The following ATP8B1 variants were observed in gnomAD, a reference collection of about 807,000 sequenced individuals.
ATP8B1 encodes phospholipid-transporting ATPase IC.
A neutral mutation model predicts 149.9 loss-of-function variants in ATP8B1; 80 were observed. The observed-to-expected ratio is 0.53, with a 90% CI of 0.45 to 0.64. ATP8B1 has a LOEUF of 0.64. ATP8B1 is among the 30% of genes least tolerant of loss of function. The pLI is 0.00. For missense variants in ATP8B1, 1,247 were observed against 1,552.6 expected, an observed-to-expected ratio of 0.80 and a Z score of 3.31; for synonymous variants, 536 against 562.8, an observed-to-expected ratio of 0.95 and a Z score of 0.67.
intron 1 of ATP8B1, among the ~76,000 whole-genome samples, chr18:57,752,459 G>A (rs986967418): frequency 2.0e-5 from 3 of 152,044 alleles, no homozygotes; most frequent in African/African-American, 7.2e-5. Context: ...TACCTTACAG[G>A]GTCCTTGTGA....
chr18:57,767,713 C>T (rs1348680018), intron 1 of ATP8B1, among the ~76,000 whole-genome samples: 3 of 151,894 alleles, frequency 2.0e-5, no homozygotes, highest in South Asian at 4.1e-4. Context: ...CGCTTGAACC[C>T]AGGAGGCAGA....
chr18:57,797,924 T>G (rs1840265701), intron 1 of ATP8B1, among the ~76,000 whole-genome samples: 1 of 152,040 alleles, frequency 6.6e-6, no homozygotes, highest in Admixed American at 6.6e-5. Context: ...CAGGCTGGTC[T>G]TGAACTCCTG....
intron 1 of ATP8B1, chr18:57,732,077 G>GTATA (rs1374203858): frequency 3.0e-6 from 1 of 335,580 alleles, no homozygotes; most frequent in African/African-American, 2.3e-5. Context: ...TTAAACAAGG[G>GTATA]TATATATATA....
Position 57,680,415 on chromosome 18 carries a change from A to G in ATP8B1, c.1630+3621T>C, listed in dbSNP as rs372282734. On this transcript the variant is annotated intron_variant, in intron 15 of 27. Coordinates refer to ENST00000648908, the MANE Select transcript of ATP8B1 (RefSeq NM_001374385.1). ...AGCCTGACCAACATGGAGAAACCCC[A>G]TCTCTATTAAAAATGCAAAATTAGC... is the stretch of plus-strand genomic sequence containing the variant. 1.1e-4 allele frequency among the ~76,000 whole-genome samples: 16 copies of G among 148,850 alleles called. 1 individual carries two copies. Among genetic ancestry groups the G allele is most frequent in the Admixed American group, 4.7e-4 (7 of 14,826 alleles).
chr18:57,711,032 C>T (rs4940996), intron 2 of ATP8B1, among the ~76,000 whole-genome samples: 18,976 of 152,184 alleles, frequency 0.12, 1,432 homozygotes, highest in South Asian at 0.28. Context: ...AATAGCAAAA[C>T]ATTGGCACAT....
intron 1 of ATP8B1, among the ~76,000 whole-genome samples, chr18:57,794,874 G>C (rs2080497957): frequency 6.6e-6 from 1 of 152,042 alleles, no homozygotes; most frequent in Non-Finnish European, 1.5e-5. Flanking sequence ...GTGAAAAGGA[G>C]AGGCACGTGC....
intron 19 of ATP8B1, chr18:57,667,960 C>T (rs776490680): frequency 1.8e-4 from 129 of 729,014 alleles, no homozygotes; most frequent in Middle Eastern, 4.2e-4. Context: ...CAAACAAGTG[C>T]TTGTTGAGTT....
intron 20 of ATP8B1, 96 bp downstream of exon 20, chr18:57,666,996 A>G: frequency 8.9e-7 from 1 of 1,124,562 alleles, no homozygotes; most frequent in Non-Finnish European, 1.3e-6. Context: ...GACACATCGT[A>G]ACCCCTATTT....
Position 57,648,116 on chromosome 18 carries a change from A to T in ATP8B1, c.*372T>A. 1 of 359,276 alleles carries T rather than the reference A, an allele frequency of 2.8e-6. No homozygotes were observed. The highest frequency in any genetic ancestry group is 5.4e-6 in the Non-Finnish European group (1 of 185,736). The allele number at this position is 359,276 out of a possible 1,614,324, so 22.3% of individuals were successfully genotyped here. ...ATTCTTCTGCTTCAGCTTCTCAAAT[A>T]GGTGGGATTACGGGTGCCCACCACC... On this transcript the variant is annotated 3_prime_UTR_variant, in exon 28 of 28. Coordinates refer to ENST00000648908, the MANE Select transcript of ATP8B1 (RefSeq NM_001374385.1).
intron 6 of ATP8B1, among the ~76,000 whole-genome samples, chr18:57,700,194 G>A (rs955243175): frequency 1.3e-5 from 2 of 152,162 alleles, no homozygotes; most frequent in African/African-American, 4.8e-5. Context: ...CAGAAATACT[G>A]AAATGTAAAA....
chr18:57,699,491 C>G (rs917504346), intron 6 of ATP8B1, among the ~76,000 whole-genome samples: 2 of 152,028 alleles, frequency 1.3e-5, no homozygotes, highest in African/African-American at 4.8e-5. Context: ...AATCCCAGCA[C>G]TTTGGGAGGC....
chr18:57,776,317 T>C (rs1422714115), intron 1 of ATP8B1, among the ~76,000 whole-genome samples: 1 of 152,254 alleles, frequency 6.6e-6, no homozygotes, highest in Non-Finnish European at 1.5e-5. Context: ...TTAAAGGTAA[T>C]GACTGTAATA....
rs995437105 is a variant in ATP8B1, at chr18:57,650,335, A to G, written c.3531+32T>C. Reference sequence around the variant, plus strand: ...GGAAACGCTTTGGTTTCTGTGAGGGACAGAGTTGGGAAAGGACTATATTCT... The same window carrying G: ...GGAAACGCTTTGGTTTCTGTGAGGGGCAGAGTTGGGAAAGGACTATATTCT... On this transcript the variant is annotated intron_variant, in intron 27 of 27. Coordinates refer to ENST00000648908, the MANE Select transcript of ATP8B1 (RefSeq NM_001374385.1). 13 of 1,608,354 alleles carry G rather than the reference A, an allele frequency of 8.1e-6. No individual in the cohort carries two copies. In the African/African-American group the frequency reaches 1.7e-4, roughly 22 times the overall value.
intron 1 of ATP8B1, among the ~76,000 whole-genome samples, chr18:57,754,256 G>A (rs1191941250): frequency 1.3e-5 from 2 of 151,898 alleles, no homozygotes; most frequent in African/African-American, 4.8e-5. Flanking sequence ...TGGTCAACGT[G>A]GTAAAACCCC....
intron 15 of ATP8B1, among the ~76,000 whole-genome samples, chr18:57,675,296 A>C (rs1302670171): frequency 2.0e-5 from 3 of 152,224 alleles, no homozygotes; most frequent in African/African-American, 7.2e-5. Context: ...GAGAAACAAC[A>C]GGTGTTGACA....
intron 15 of ATP8B1, among the ~76,000 whole-genome samples, chr18:57,682,826 C>T (rs1398520224): frequency 6.6e-6 from 1 of 152,020 alleles, no homozygotes; most frequent in Admixed American, 6.6e-5. Flanking sequence ...TGTACAGCTT[C>T]TATACATTTA....
intron 2 of ATP8B1, among the ~76,000 whole-genome samples, chr18:57,725,132 G>A: frequency 8.2e-6 from 1 of 122,322 alleles, no homozygotes; most frequent in African/African-American, 3.1e-5. Flanking sequence ...GGATAGCATT[G>A]GGAGATATAC....
chr18:57,764,697 G>T lies in ATP8B1; in HGVS notation c.-25-32865C>A, dbSNP rs2080193570. ...GCCTCCCAAAATGCTAGGATTACAG[G>T]TGTGAGACACTGTGCCCAGCCTGAC... On this transcript the variant is annotated intron_variant, in intron 1 of 27. Transcript: ENST00000648908. Among the ~76,000 whole-genome samples, 2 of 148,598 alleles carry T rather than the reference G, an allele frequency of 1.3e-5. 1 individual carries two copies. Among genetic ancestry groups the T allele is most frequent in the South Asian group, 4.2e-4 (2 of 4,730 alleles).
chr18:57,764,442 C>T (rs1490033905), intron 1 of ATP8B1, among the ~76,000 whole-genome samples: 1 of 125,918 alleles, frequency 7.9e-6, no homozygotes, highest in African/African-American at 3.0e-5. Context: ...TCTTTCATAC[C>T]GAGTCTTGCT....
Sources: gnomAD v4.1 joint callset for allele counts (sites outside exome capture counted in the v4.1 genomes callset) on GRCh38, gnomAD v4.1.1 for gene constraint, MANE v1.5 for transcripts, NCBI Gene and HGNC (gene_info 2026-07-23, HGNC 2026-07-21) for gene names.